NR1I2: variants seen among roughly 807,000 people sequenced by gnomAD.
NR1I2 encodes the protein nuclear receptor subfamily 1 group I member 2.
A neutral mutation model predicts 43.3 loss-of-function variants in NR1I2; 42 were observed. That is an observed-to-expected ratio of 0.97 (90% CI 0.76 to 1.26). The LOEUF is 1.26. Ranked by LOEUF, NR1I2 falls within the 50% of genes most tolerant of loss-of-function variation. NR1I2 has a pLI of 0.00. For synonymous variants in NR1I2, 229 were observed against 215.0 expected, an observed-to-expected ratio of 1.06 and a Z score of -0.57; for missense variants, 559 against 566.7, an observed-to-expected ratio of 0.99 and a Z score of 0.14.
chr3:119,784,986 G>C (rs552169293), intron 1 of NR1I2, among the ~76,000 whole-genome samples: 7 of 152,222 alleles, frequency 4.6e-5, no homozygotes, highest in African/African-American at 1.7e-4. Flanking sequence ...GATTCCTTTG[G>C]AATTTCTAGT....
At chr3:119,795,737 T>TCCCACCA (rs1441334034) in intron 1 of NR1I2, among the ~76,000 whole-genome samples, 1 of 152,246 alleles carries the variant, frequency 6.6e-6, no homozygotes, top group Non-Finnish European at 1.5e-5. Flanking sequence ...TCAAACTATA[T>TCCCACCA]CCCACCACGC....
chr3:119,787,763 G>A (rs532898492), intron 1 of NR1I2, among the ~76,000 whole-genome samples: 97 of 150,762 alleles, frequency 6.4e-4, no homozygotes, highest in African/African-American at 1.6e-3. Context: ...TTAATTATGC[G>A]TGTGTGTATA....
At chr3:119,795,821 C>G (rs1424629574) in intron 1 of NR1I2, among the ~76,000 whole-genome samples, 2 of 152,204 alleles carry the variant, frequency 1.3e-5, no homozygotes, top group Non-Finnish European at 2.9e-5. Flanking sequence ...GGGATTTTCT[C>G]CTTTGCCCTA....
intron 1 of NR1I2, chr3:119,802,974 G>A (rs751534135): frequency 2.2e-6 from 1 of 456,626 alleles, no homozygotes; most frequent in South Asian, 1.5e-5. Flanking sequence ...TAGAAGATGG[G>A]GACTTTGGGG....
intron 2 of NR1I2, among the ~76,000 whole-genome samples, chr3:119,808,908 G>A (rs1396087028): frequency 6.6e-6 from 1 of 152,220 alleles, no homozygotes; most frequent in Non-Finnish European, 1.5e-5. Flanking sequence ...ATTCTCAGTG[G>A]ACTTTGATGT....
chr3:119,800,180 G>A (rs570058037), intron 1 of NR1I2, among the ~76,000 whole-genome samples: 2 of 152,178 alleles, frequency 1.3e-5, no homozygotes, highest in East Asian at 1.9e-4. Flanking sequence ...TGTATGGCAC[G>A]AGATAAGAGC....
At chr3:119,809,271 G>T (rs73854719) in intron 2 of NR1I2, among the ~76,000 whole-genome samples, 1,984 of 152,208 alleles carry the variant, frequency 0.013, 35 homozygotes, top group African/African-American at 0.044. Flanking sequence ...CAGGACTTCC[G>T]GGCTGGGAGG....
chr3:119,792,093 C>T (rs1278393853), intron 1 of NR1I2: 3 of 757,712 alleles, frequency 4.0e-6, no homozygotes, highest in Admixed American at 1.8e-5. Context: ...CAATATCATT[C>T]CGTGCATCCT....
intron 1 of NR1I2, among the ~76,000 whole-genome samples, chr3:119,787,925 T>G (rs1484582162): frequency 1.3e-5 from 2 of 152,002 alleles, no homozygotes; most frequent in African/African-American, 4.8e-5. Flanking sequence ...ATTTACCCCC[T>G]TTTACTTAGA....
intron 1 of NR1I2, chr3:119,792,694 T>G: frequency 2.1e-6 from 1 of 477,744 alleles, no homozygotes; most frequent in Non-Finnish European, 3.8e-6. Flanking sequence ...ACAGATAAAA[T>G]CACTTCAGAT....
intron 1 of NR1I2, among the ~76,000 whole-genome samples, chr3:119,795,304 T>C (rs2054982220): frequency 6.6e-6 from 1 of 152,218 alleles, no homozygotes; most frequent in South Asian, 2.1e-4. Context: ...TGCAGGGGGA[T>C]GGGAAGAGGG....
chr3:119,812,942 A>G lies in NR1I2; in HGVS notation c.776A>G (p.Lys259Arg). ...TTCAAAGGCATCATCAGCTTTGCCA[A>G]AGTCATCTCCTACTTCAGGTAGGAC... Residue 259 changes from lysine to arginine, a missense_variant, in exon 5 of 9, where the codon AAA (lysine) becomes AGA (arginine). By Grantham distance (26) the Lys-to-Arg change is conservative (BLOSUM62 2). This residue lies in a region of NR1I2 where 323 missense variants were observed against 312.2 expected (regional missense o/e 1.03). Transcript: ENST00000393716. The G allele has an allele frequency of 3.7e-6, 6 of 1,613,778 alleles. No homozygotes were observed. Among genetic ancestry groups the G allele is most frequent in the Non-Finnish European group, 5.1e-6 (6 of 1,180,036 alleles).
At chr3:119,816,176 C>T (rs1242027033) in intron 8 of NR1I2, among the ~76,000 whole-genome samples, 1 of 152,192 alleles carries the variant, frequency 6.6e-6, no homozygotes, top group Non-Finnish European at 1.5e-5. Context: ...TAGTGTGAAC[C>T]TATAAACTGA....
intron 1 of NR1I2, among the ~76,000 whole-genome samples, chr3:119,806,392 C>G (rs2055161071): frequency 6.6e-6 from 1 of 152,180 alleles, no homozygotes; most frequent in Non-Finnish European, 1.5e-5. Context: ...TCAAGAGATC[C>G]TCCCCGCTCA....
intron 1 of NR1I2, chr3:119,791,890 A>G (rs181700842): frequency 1.3e-5 from 8 of 616,686 alleles, no homozygotes; most frequent in African/African-American, 9.0e-5. Flanking sequence ...GGCATGGTGA[A>G]CTCTGCCTTA....
intron 1 of NR1I2, chr3:119,792,339 A>G (rs1263476689): frequency 7.0e-7 from 1 of 1,420,150 alleles, no homozygotes; most frequent in African/African-American, 1.4e-5. Flanking sequence ...GACACATCTG[A>G]CCTTCAGGAA....
chr3:119,807,139 G>C, intron 1 of NR1I2, 90 bp from the exon 2 acceptor site: 2 of 1,162,382 alleles, frequency 1.7e-6, no homozygotes, highest in Non-Finnish European at 2.5e-6. Context: ...CCAAATGTGA[G>C]TGATGCATAG....
At chr3:119,787,160 C>T (rs1375642998) in intron 1 of NR1I2, among the ~76,000 whole-genome samples, 1 of 151,890 alleles carries the variant, frequency 6.6e-6, no homozygotes, top group Non-Finnish European at 1.5e-5. Flanking sequence ...TGGTGGCACA[C>T]ACCTGTAATT....
intron 3 of NR1I2, among the ~76,000 whole-genome samples, chr3:119,810,854 C>T (rs564690344): frequency 7.2e-5 from 11 of 152,168 alleles, no homozygotes; most frequent in Non-Finnish European, 1.6e-4. Context: ...TGATCTCTCC[C>T]CACCAAGGAC....
Sources: allele counts gnomAD v4.1 joint callset (sites outside exome capture counted in the v4.1 genomes callset), GRCh38; gene constraint gnomAD v4.1.1; regional missense constraint gnomAD v4.1.1; transcripts MANE v1.5; gene names NCBI Gene and HGNC (gene_info 2026-07-23, HGNC 2026-07-21).